The following GRM7 variants were observed in gnomAD, a reference collection of about 807,000 sequenced individuals.
The protein encoded by GRM7 is glutamate metabotropic receptor 7, also known as metabotropic glutamate receptor 7.
GRM7 carries 35 observed loss-of-function variants against 84.5 expected under a neutral mutation model. That is an observed-to-expected ratio of 0.41 (90% confidence interval 0.32 to 0.55). GRM7 has a LOEUF of 0.55. GRM7 is among the 20% of genes least tolerant of loss of function. The pLI is 0.19. For missense variants in GRM7, 1,003 were observed against 1,194.6 expected, an observed-to-expected ratio of 0.84 and a Z score of 2.36; for synonymous variants, 487 against 455.1, an observed-to-expected ratio of 1.07 and a Z score of -0.89.
At chr3:6,873,286 T>C (rs1695191715) in intron 1 of GRM7, among the ~76,000 whole-genome samples, 1 of 152,208 alleles carries the variant, frequency 6.6e-6, no homozygotes, top group Admixed American at 6.5e-5. Context: ...CTGGCCAGGC[T>C]GGTCCCGAAC....
At chr3:7,204,761 C>T (rs896728988) in intron 2 of GRM7, among the ~76,000 whole-genome samples, 3 of 152,194 alleles carry the variant, frequency 2.0e-5, no homozygotes, top group African/African-American at 2.4e-5. Flanking sequence ...GGGAAAATAC[C>T]GGATCCAGTA....
At chr3:7,031,406 TTTTATTTATTTA>T (rs200421808) in intron 1 of GRM7, among the ~76,000 whole-genome samples, 5 of 150,076 alleles carry the variant, frequency 3.3e-5, no homozygotes, top group African/African-American at 1.0e-4. Context: ...ATTTTTTAAA[TTTTATTTATTTA>T]TTTATTTATT....
intron 4 of GRM7, among the ~76,000 whole-genome samples, chr3:7,371,548 G>A (rs1310202583): frequency 6.6e-6 from 1 of 152,154 alleles, no homozygotes; most frequent in Non-Finnish European, 1.5e-5. Flanking sequence ...ATTCTTGATT[G>A]TTTATAATGT....
intron 1 of GRM7, among the ~76,000 whole-genome samples, chr3:6,889,387 T>A (rs1401718449): frequency 6.6e-6 from 1 of 152,122 alleles, no homozygotes; most frequent in African/African-American, 2.4e-5. Flanking sequence ...ATAGCTCTTA[T>A]TATTTTGAGA....
In GRM7 at chr3:7,473,042, G is replaced by C. The variant is rs115074315; in HGVS notation, c.1515+11320G>C. On this transcript the variant is annotated intron_variant, in intron 7 of 9. Coordinates refer to ENST00000357716, the MANE Select transcript of GRM7 (RefSeq NM_000844.4). ...CCCAGCTCTCACATTCTCTGGCTGC[G>C]AAAGGCAATGAAGCAGTAGCACACA... 5.4e-3 allele frequency among the ~76,000 whole-genome samples: 828 copies of C among 152,300 alleles called. 9 individuals are homozygous for C. Among genetic ancestry groups the C allele is most frequent in the African/African-American group, 0.019 (795 of 41,552 alleles).
At chr3:6,968,305 T>C (rs576078321) in intron 1 of GRM7, among the ~76,000 whole-genome samples, 1 of 152,320 alleles carries the variant, frequency 6.6e-6, no homozygotes, top group Admixed American at 6.5e-5. Flanking sequence ...TTTCTTCTTA[T>C]TATGAGAACA....
At chr3:7,520,393 A>T (rs1248214609) in intron 7 of GRM7, 2 of 152,188 alleles carry the variant, frequency 1.3e-5, no homozygotes, top group Admixed American at 6.5e-5. Context: ...GGCATATAAA[A>T]GTCCCATCTT....
chr3:7,276,209 G>A (rs900807010), intron 2 of GRM7, among the ~76,000 whole-genome samples: 8 of 82,172 alleles, frequency 9.7e-5, no homozygotes, highest in Non-Finnish European at 1.8e-4. Context: ...ATATATATAT[G>A]TGTGTGTGTG....
chr3:7,711,840 C>T (rs1482603242), intron 9 of GRM7, among the ~76,000 whole-genome samples: 1 of 152,172 alleles, frequency 6.6e-6, no homozygotes, highest in African/African-American at 2.4e-5. Context: ...TCATATGCTC[C>T]CAAAACAGTG....
At chr3:7,733,405 C>G (rs1044442271) in intron 9 of GRM7, among the ~76,000 whole-genome samples, 1 of 152,234 alleles carries the variant, frequency 6.6e-6, no homozygotes, top group East Asian at 1.9e-4. Context: ...ATGCCAGGCT[C>G]TTCCCCTGAA....
intron 1 of GRM7, among the ~76,000 whole-genome samples, chr3:6,979,230 T>A (rs1460728069): frequency 6.6e-6 from 1 of 152,040 alleles, no homozygotes; most frequent in African/African-American, 2.4e-5. Flanking sequence ...AACAAGGGAG[T>A]GATTTCTACA....
At chr3:7,579,395 A>T in intron 8 of GRM7, 38 bp downstream of exon 8, 1 of 1,263,618 alleles carries the variant, frequency 7.9e-7, no homozygotes. Context: ...TTTTTTAAAA[A>T]TGTGTTCATT....
chr3:7,389,623 C>T (rs1336923067), intron 4 of GRM7, among the ~76,000 whole-genome samples: 2 of 151,834 alleles, frequency 1.3e-5, no homozygotes, highest in Admixed American at 1.3e-4. Flanking sequence ...CTTCTTTGTC[C>T]TTTTTTTCTG....
intron 1 of GRM7, among the ~76,000 whole-genome samples, chr3:6,948,837 G>T (rs1488235945): frequency 6.6e-6 from 1 of 152,078 alleles, no homozygotes; most frequent in African/African-American, 2.4e-5. Flanking sequence ...TTTGATCTTT[G>T]TTGGTTTAAA....
At chr3:7,293,744 AT>A (rs1394598381) in intron 2 of GRM7, among the ~76,000 whole-genome samples, 4 of 152,064 alleles carry the variant, frequency 2.6e-5, no homozygotes, top group Non-Finnish European at 5.9e-5. Flanking sequence ...GAAAAATTCC[AT>A]TTTTTGCTGG....
chr3:7,436,896 C>T (rs1233095069), intron 5 of GRM7, among the ~76,000 whole-genome samples: 2 of 150,890 alleles, frequency 1.3e-5, no homozygotes, highest in Non-Finnish European at 3.0e-5. Flanking sequence ...ACTTTGGAAT[C>T]TATATTCTGG....
At chr3:7,700,185 C>T (rs183386630) in intron 9 of GRM7, among the ~76,000 whole-genome samples, 22 of 152,258 alleles carry the variant, frequency 1.4e-4, no homozygotes, top group Non-Finnish European at 2.5e-4. Flanking sequence ...CTGCTTTCAA[C>T]AAGGGCACAT....
chr3:7,300,658 C>A (rs1384258802), intron 3 of GRM7, among the ~76,000 whole-genome samples: 1 of 152,082 alleles, frequency 6.6e-6, no homozygotes, highest in East Asian at 1.9e-4. Flanking sequence ...GCATTCTTTC[C>A]CCCTCCCTGG....
At position 7,644,582 on chromosome 3, in the gene GRM7, TCAC is replaced by T. The variant is rs1698534272; in HGVS notation, c.2452-35464_2452-35462del. ...AATGTTATTCCTCAATCTTTATTCC[TCAC>T]CATGCTGAAGACTGTAACATGGTAT... On this transcript the variant is annotated intron_variant, in intron 8 of 9. Coordinates refer to ENST00000357716, the MANE Select transcript of GRM7 (RefSeq NM_000844.4). 7.2e-5 allele frequency among the ~76,000 whole-genome samples: 11 copies of T among 152,328 alleles called. No individual in the cohort carries two copies. In the South Asian group the frequency reaches 2.3e-3, roughly 32 times the overall value.
Sources: gnomAD v4.1 joint callset for allele counts (sites outside exome capture counted in the v4.1 genomes callset) on GRCh38, gnomAD v4.1.1 for gene constraint, MANE v1.5 for transcripts, NCBI Gene and HGNC (gene_info 2026-07-23, HGNC 2026-07-21) for gene names.